The following BAZ1A variants were observed in gnomAD, a reference collection of about 807,000 sequenced individuals.
BAZ1A encodes the protein bromodomain adjacent to zinc finger domain protein 1A.
In BAZ1A, 50 loss-of-function variants were observed where a neutral mutation model predicts 185.2. The ratio of observed to expected loss-of-function variants is 0.27; its 90% CI spans 0.22 to 0.34. BAZ1A has a LOEUF of 0.34. Among genes scored for constraint, BAZ1A ranks in the 10% least tolerant of loss-of-function variants. BAZ1A has a pLI of 1.00. For synonymous variants in BAZ1A, 571 were observed against 615.6 expected (o/e 0.93, Z 1.07); for missense variants, 1,356 against 1,839.9 (o/e 0.74, Z 4.81).
At chr14:34,768,355 A>T (rs1878988900) in intron 21 of BAZ1A, among the ~76,000 whole-genome samples, 1 of 152,182 alleles carries the variant, frequency 6.6e-6, no homozygotes, top group Non-Finnish European at 1.5e-5. Context: ...AAGAAAAAAA[A>T]TGCTGTGAAT....
chr14:34,861,140 GA>G (rs983492261), intron 3 of BAZ1A, among the ~76,000 whole-genome samples: 77 of 148,744 alleles, frequency 5.2e-4, no homozygotes, highest in African/African-American at 1.2e-3. Context: ...TTAAAATCGA[GA>G]AAAAAAAAAT....
chr14:34,868,372 C>G lies in BAZ1A; in HGVS notation c.114-6050G>C, dbSNP rs80025854. ...GAGTTACAAGGGACTTTCTTAAGAACGCACCTGTAATATGAAGTCAACCAA... is the reference window on the plus strand; with the variant it reads ...GAGTTACAAGGGACTTTCTTAAGAAGGCACCTGTAATATGAAGTCAACCAA... On this transcript the variant is annotated intron_variant, in intron 2 of 26. Transcript: ENST00000360310. Among the ~76,000 whole-genome samples the G allele has an allele frequency of 5.6e-3, 846 of 152,218 alleles. 8 individuals carry two copies. Among genetic ancestry groups the G allele is most frequent in the African/African-American group, 0.02 (815 of 41,542 alleles).
chr14:34,806,498 G>C (rs7147621), intron 6 of BAZ1A, among the ~76,000 whole-genome samples: 1 of 151,942 alleles, frequency 6.6e-6, no homozygotes, highest in Admixed American at 6.6e-5. Context: ...TCCCACCTCA[G>C]CCTTCGGAGT....
At chr14:34,836,567 T>G (rs1459532397) in intron 3 of BAZ1A, among the ~76,000 whole-genome samples, 1 of 151,848 alleles carries the variant, frequency 6.6e-6, no homozygotes, top group African/African-American at 2.4e-5. Context: ...CTCTAAAAAT[T>G]GAATATGCTG....
chr14:34,873,031 A>AC (rs2042977740), intron 2 of BAZ1A, among the ~76,000 whole-genome samples: 8 of 151,806 alleles, frequency 5.3e-5, no homozygotes, highest in Non-Finnish European at 1.2e-4. Flanking sequence ...GCAGAGCGAG[A>AC]TGTGCACTCC....
intron 16 of BAZ1A, among the ~76,000 whole-genome samples, chr14:34,780,619 G>C (rs139410409): frequency 1.1e-3 from 170 of 152,324 alleles, no homozygotes; most frequent in African/African-American, 3.9e-3. Context: ...GGGAGATGGG[G>C]AGGAGTGTGT....
rs1442689531 is a variant in BAZ1A, at chr14:34,753,510, A to T, written c.4669T>A (p.Ter1557ArgextTer9). The T allele has an allele frequency of 6.2e-7, 1 of 1,613,964 alleles. No individual in the cohort carries two copies. Among genetic ancestry groups the T allele is most frequent in the East Asian group, 2.2e-5 (1 of 44,880 alleles). ...ATATATCCTTTAGAAGGACAAAGTC[A>T]GATTCGTGACTTTTTCGCAGCCGGT... is the stretch of plus-strand genomic sequence containing the variant. ...TPPAAKKSRI[*>R] Residue 1557 changes from the stop codon to arginine, a stop_lost, in exon 27 of 27, where the codon TGA (stop) becomes AGA (arginine). Transcript: ENST00000360310.
intron 21 of BAZ1A, chr14:34,771,242 T>G (rs1879197714): frequency 3.5e-6 from 1 of 284,902 alleles, no homozygotes; most frequent in Non-Finnish European, 6.5e-6. Context: ...GCTCAAGCGA[T>G]TCCACCTCAG....
In BAZ1A at chr14:34,785,372, T is replaced by C. The variant is rs572543459; in HGVS notation, c.1831+405A>G. On this transcript the variant is annotated intron_variant, in intron 14 of 26. Transcript: ENST00000360310. ...CTAAATTAAACTCTTTACTTGTACA[T>C]GCAATTTTTTAAAAAAAGGAAGTGA... 3.5e-4 allele frequency among the ~76,000 whole-genome samples: 53 copies of C among 152,352 alleles called. 1 individual carries two copies. Among genetic ancestry groups the C allele is most frequent in the African/African-American group, 1.2e-3 (51 of 41,576 alleles).
intron 11 of BAZ1A, among the ~76,000 whole-genome samples, chr14:34,793,682 C>T (rs1428209098): frequency 6.6e-6 from 1 of 152,162 alleles, no homozygotes; most frequent in East Asian, 1.9e-4. Flanking sequence ...TGGTGGCTCA[C>T]GCCTGTAATC....
chr14:34,758,960 CTGAGA>C (rs1263935789), intron 24 of BAZ1A, 114 bp from the exon 25 acceptor site: 16 of 986,226 alleles, frequency 1.6e-5, no homozygotes. Flanking sequence ...ACTCCGTACA[CTGAGA>C]TGTTAACTAT....
intron 16 of BAZ1A, among the ~76,000 whole-genome samples, 176 bp downstream of exon 16, chr14:34,782,943 C>T (rs567923758): frequency 1.3e-5 from 2 of 152,126 alleles, no homozygotes; most frequent in Admixed American, 1.3e-4. Flanking sequence ...GTGGAGGGGA[C>T]AGATAAATAT....
intron 2 of BAZ1A, among the ~76,000 whole-genome samples, chr14:34,871,611 G>A (rs190839730): frequency 7.9e-5 from 12 of 152,344 alleles, no homozygotes; most frequent in Admixed American, 2.6e-4. Flanking sequence ...GGTGGCTCAC[G>A]CCTGTAATCC....
intron 4 of BAZ1A, chr14:34,816,724 G>A (rs1057362998): frequency 1.3e-5 from 4 of 308,520 alleles, no homozygotes; most frequent in Non-Finnish European, 2.7e-5. Context: ...CCTATACCTG[G>A]CACATCTGGC....
At chr14:34,754,202 A>T (rs918189123) in intron 26 of BAZ1A, among the ~76,000 whole-genome samples, 3 of 150,374 alleles carry the variant, frequency 2.0e-5, no homozygotes, top group Non-Finnish European at 4.4e-5. Flanking sequence ...CAGTGAGCTG[A>T]GATCGCACCA....
chr14:34,802,724 C>T lies in BAZ1A; in HGVS notation c.861+130G>A, dbSNP rs564393497. The T allele has an allele frequency of 7.5e-6, 7 of 934,432 alleles. No individual in the cohort carries two copies. In the African/African-American group the frequency reaches 1.0e-4, roughly 13 times the overall value. 57.9% of individuals were successfully genotyped at this position (934,432 alleles called of 1,614,324 possible). On this transcript the variant is annotated intron_variant, in intron 7 of 26. Coordinates refer to ENST00000360310, the MANE Select transcript of BAZ1A (RefSeq NM_013448.3). ...GTTATCAACATATAGTACACACTTA[C>T]ATACTTTTTGGTGAGGTAATGAGTT...
intron 7 of BAZ1A, among the ~76,000 whole-genome samples, chr14:34,802,027 T>A (rs1309306397): frequency 6.6e-6 from 1 of 151,856 alleles, no homozygotes; most frequent in Non-Finnish European, 1.5e-5. Flanking sequence ...AAACTGGTAA[T>A]ATATAGAAAG....
intron 13 of BAZ1A, 55 bp downstream of exon 13, chr14:34,786,071 T>G: frequency 6.4e-6 from 10 of 1,565,992 alleles, no homozygotes; most frequent in Non-Finnish European, 8.6e-6. Context: ...TAAATGTGCC[T>G]TTATAAAATT....
At chr14:34,768,937 A>G (rs187759471) in intron 21 of BAZ1A, among the ~76,000 whole-genome samples, 83 of 152,250 alleles carry the variant, frequency 5.5e-4, no homozygotes, top group Non-Finnish European at 9.6e-4. Flanking sequence ...TCCCCAAATG[A>G]AAAAAAGTCT....
Sources: allele counts gnomAD v4.1 joint callset (sites outside exome capture counted in the v4.1 genomes callset), GRCh38; gene constraint gnomAD v4.1.1; transcripts MANE v1.5; gene names NCBI Gene and HGNC (gene_info 2026-07-23, HGNC 2026-07-21).